Variants in ADSL observed in about 807,000 individuals in gnomAD.
The protein encoded by ADSL is adenylosuccinase.
In ADSL, 44 loss-of-function variants were observed where a neutral mutation model predicts 62.1. The observed-to-expected ratio is 0.71, with a 90% confidence interval of 0.56 to 0.91. The LOEUF (loss-of-function observed/expected upper bound fraction) is 0.91, where lower values mean the gene tolerates loss of function less well. ADSL is among the 40% of genes least tolerant of loss of function. The pLI, the probability that ADSL is intolerant of heterozygous loss-of-function variation, is 0.00. For missense variants in ADSL, 531 were observed against 627.4 expected (o/e 0.85, Z 1.64); for synonymous variants, 198 against 220.5 (o/e 0.90, Z 0.90).
chr22:40,353,373 A>G (rs1288931926), intron 3 of ADSL: 2 of 702,240 alleles, frequency 2.8e-6, no homozygotes, highest in Non-Finnish European at 5.2e-6. Context: ...GCTTATTGCA[A>G]CCTCCGCCTC....
intron 2 of ADSL, among the ~76,000 whole-genome samples, chr22:40,378,656 G>A (rs12484358): frequency 0.13 from 20,137 of 151,242 alleles, 2,060 homozygotes; most frequent in Admixed American, 0.33. Flanking sequence ...AACCCAGGAG[G>A]CGGAGGTTGC....
At chr22:40,361,786 AG>A in intron 9 of ADSL, 151 bp downstream of exon 9, 1 of 969,610 alleles carries the variant, frequency 1.0e-6, no homozygotes, top group Non-Finnish European at 1.6e-6. Context: ...TAAAAAGGAC[AG>A]TGTGATAAGT....
chr22:40,361,249 T>C (rs1307536416), intron 7 of ADSL, 24 bp from the exon 8 acceptor site: 1 of 1,610,220 alleles, frequency 6.2e-7, no homozygotes, highest in East Asian at 2.2e-5. Context: ...TGTGGGGTGA[T>C]GCTTATTCCC....
chr22:40,353,573 C>T (rs1197492342), intron 3 of ADSL, among the ~76,000 whole-genome samples: 2 of 151,756 alleles, frequency 1.3e-5, no homozygotes, highest in African/African-American at 4.8e-5. Context: ...TGTGAGCCAC[C>T]GCACCCAGCT....
Position 40,349,826 on chromosome 22 carries a change from C to G in ADSL, c.154-6C>G. 6.2e-7 allele frequency: 1 copy of G among 1,613,110 alleles called. No homozygotes were observed. The highest frequency in any genetic ancestry group is 8.5e-7 in the Non-Finnish European group (1 of 1,179,176). The stretch of plus-strand genomic sequence containing the variant: ...ACTATTTTATTTTATTTTGCCTATT[C>G]TGCAGACATTGGGTTTGCCTATCAC... On this transcript the variant is annotated splice_polypyrimidine_tract_variant and splice_region_variant and intron_variant, in intron 1 of 12. Coordinates refer to ENST00000623063, the MANE Select transcript of ADSL (RefSeq NM_000026.4).
chr22:40,375,970 G>A (rs936966513), intron 2 of ADSL, among the ~76,000 whole-genome samples: 1 of 151,528 alleles, frequency 6.6e-6, no homozygotes, highest in Non-Finnish European at 1.5e-5. Context: ...GAGCTCAGGA[G>A]ATTGAAGCTG....
chr22:40,381,095 A>G (rs1429527395), intron 2 of ADSL, among the ~76,000 whole-genome samples: 3 of 152,098 alleles, frequency 2.0e-5, no homozygotes, highest in Admixed American at 6.6e-5. Context: ...TTATAGAAAC[A>G]TTTTACTAGT....
chr22:40,370,618 G>A (rs935981409), downstream of ADSL: 59 of 152,652 alleles, frequency 3.9e-4, no homozygotes, highest in Non-Finnish European at 5.3e-4. Flanking sequence ...GCGCCGCTGA[G>A]CGCTGACTGG....
intron 10 of ADSL, 59 bp from the exon 11 acceptor site, chr22:40,364,217 G>T: frequency 7.0e-7 from 1 of 1,420,778 alleles, no homozygotes. Context: ...ATCCTGCTGT[G>T]TTTATGACTT....
chr22:40,365,190 T>C lies in ADSL; in HGVS notation c.1368+134T>C, dbSNP rs2044954994. Reference sequence around the variant, plus strand: ...ATCAGAGCAGGTTGCTGGCTAAAACTTAGATATTTCGGTTTTGTTTCTGTT... The same window carrying C: ...ATCAGAGCAGGTTGCTGGCTAAAACCTAGATATTTCGGTTTTGTTTCTGTT... On this transcript the variant is annotated intron_variant, in intron 12 of 12. Transcript: ENST00000623063. The C allele has an allele frequency of 4.1e-6, 4 of 987,542 alleles. No individual in the cohort carries two copies. In the East Asian group the frequency reaches 7.4e-5, roughly 18 times the overall value. 61.2% of individuals were successfully genotyped at this position (987,542 alleles called of 1,614,324 possible).
chr22:40,364,501 A>G, intron 11 of ADSL, 136 bp downstream of exon 11: 1 of 809,078 alleles, frequency 1.2e-6, no homozygotes, highest in African/African-American at 1.7e-5. Context: ...AGTGGCCATA[A>G]TCTGCCATCT....
chr22:40,354,972 A>G (rs1022972051), intron 4 of ADSL, among the ~76,000 whole-genome samples: 3 of 152,208 alleles, frequency 2.0e-5, no homozygotes, highest in Non-Finnish European at 4.4e-5. Flanking sequence ...AACCATTTAA[A>G]TGATGCTTAC....
At chr22:40,360,535 C>T (rs1474550638) in intron 7 of ADSL, 43 bp downstream of exon 7, 7 of 1,380,928 alleles carry the variant, frequency 5.1e-6, no homozygotes, top group Non-Finnish European at 7.2e-6. Context: ...GAGCTTTGGG[C>T]ACCACAGACA....
intron 6 of ADSL, among the ~76,000 whole-genome samples, chr22:40,360,010 C>T (rs1190117676): frequency 2.6e-5 from 4 of 152,178 alleles, no homozygotes. Context: ...CTCCTTCTCC[C>T]AGGCATTTCT....
At chr22:40,385,419 A>G (rs893163639) in intron 2 of ADSL, among the ~76,000 whole-genome samples, 3 of 152,214 alleles carry the variant, frequency 2.0e-5, no homozygotes, top group East Asian at 3.8e-4. Context: ...ACACGAAGCC[A>G]TTGGAGAAGA....
chr22:40,363,151 G>T, intron 10 of ADSL, 80 bp downstream of exon 10: 1 of 1,350,564 alleles, frequency 7.4e-7, no homozygotes, highest in Non-Finnish European at 1.1e-6. Flanking sequence ...GTGTGTTGAG[G>T]GAGCTGTATT....
chr22:40,382,775 T>A (rs1404148164), intron 2 of ADSL, among the ~76,000 whole-genome samples: 1 of 152,172 alleles, frequency 6.6e-6, no homozygotes, highest in Non-Finnish European at 1.5e-5. Context: ...GAAAATAGGA[T>A]CTCCATGCCA....
At position 40,368,169 on chromosome 22, in the gene ADSL, C is replaced by T. The variant is rs571388759; in HGVS notation, c.*1647C>T. ...AAGAGTGACTTGATTGTGTGTTGCC[C>T]CAAGAGACACACTGAGCTCAATACC... On this transcript the variant is annotated 3_prime_UTR_variant, in exon 13 of 13. Coordinates refer to ENST00000623063, the MANE Select transcript of ADSL (RefSeq NM_000026.4). The T allele has an allele frequency of 1.4e-4, 21 of 152,166 alleles. No homozygotes were observed. Among genetic ancestry groups the T allele is most frequent in the African/African-American group, 5.1e-4 (21 of 41,518 alleles). 9.4% of individuals were successfully genotyped at this position (152,166 alleles called of 1,614,324 possible).
At chr22:40,365,622 C>T (rs1330917035) in intron 12 of ADSL, among the ~76,000 whole-genome samples, 2 of 152,074 alleles carry the variant, frequency 1.3e-5, no homozygotes, top group African/African-American at 4.8e-5. Context: ...GTAATCCTAG[C>T]ATTTTGGGAG....
Sources: allele counts gnomAD v4.1 joint callset (sites outside exome capture counted in the v4.1 genomes callset), GRCh38; gene constraint gnomAD v4.1.1; transcripts MANE v1.5; gene names NCBI Gene and HGNC (gene_info 2026-07-23, HGNC 2026-07-21).